The following CHN2 variants were observed in gnomAD, a reference collection of about 807,000 sequenced individuals.
CHN2 encodes the protein beta-chimaerin.
CHN2 carries 35 observed loss-of-function variants against 56.3 expected under a neutral mutation model. The observed-to-expected ratio is 0.62, with a 90% CI of 0.47 to 0.82. The LOEUF (loss-of-function observed/expected upper bound fraction) is 0.82. Ranked by LOEUF, CHN2 falls within the 40% of genes least tolerant of loss-of-function variation. The probability of loss-of-function intolerance (pLI) is 0.00; values close to 1 mark genes in which losing one functional copy is unlikely to be tolerated. For synonymous variants in CHN2, 210 were observed against 212.8 expected (o/e 0.99, Z 0.12); for missense variants, 491 against 580.5 (o/e 0.85, Z 1.58).
chr7:29,168,339 C>A (rs982770320), intron 2 of CHN2, among the ~76,000 whole-genome samples: 1 of 152,092 alleles, frequency 6.6e-6, no homozygotes, highest in Non-Finnish European at 1.5e-5. Flanking sequence ...TTCCATTACA[C>A]AATTTTTGGT....
intron 1 of CHN2, among the ~76,000 whole-genome samples, chr7:29,251,732 A>C (rs1448204735): frequency 6.6e-6 from 1 of 152,206 alleles, no homozygotes; most frequent in Admixed American, 6.5e-5. Flanking sequence ...AAATGAAGAG[A>C]AATATGTCAG....
chr7:29,452,215 C>T lies in CHN2; in HGVS notation c.577-28064C>T, dbSNP rs535730802. Among the ~76,000 whole-genome samples the T allele has an allele frequency of 2.6e-5, 4 of 152,302 alleles. No individual in the cohort carries two copies. The South Asian group carries it at 8.3e-4, about 32-fold the overall frequency. On this transcript the variant is annotated intron_variant, in intron 6 of 12. Coordinates refer to ENST00000222792, the MANE Select transcript of CHN2 (RefSeq NM_004067.4). ...CCAACTTCATTTTATTTCTAGTTTG[C>T]TTCTGCTGTCATTCTGGAGACACAG...
intron 6 of CHN2, among the ~76,000 whole-genome samples, chr7:29,420,883 C>G (rs1179021043): frequency 6.6e-6 from 1 of 150,798 alleles, no homozygotes; most frequent in Non-Finnish European, 1.5e-5. Flanking sequence ...CATCTTGGCT[C>G]ACTGCAACCC....
chr7:29,466,615 C>CT (rs1261601425), intron 6 of CHN2, among the ~76,000 whole-genome samples: 2 of 152,156 alleles, frequency 1.3e-5, no homozygotes, highest in African/African-American at 2.4e-5. Flanking sequence ...TGAATCCTTC[C>CT]TTAATACCTG....
At chr7:29,351,178 T>G (rs1797857516) in intron 1 of CHN2, among the ~76,000 whole-genome samples, 1 of 152,092 alleles carries the variant, frequency 6.6e-6, no homozygotes, top group African/African-American at 2.4e-5. Flanking sequence ...GTACTTTTAT[T>G]TTTTCTGTTT....
chr7:29,318,063 C>T (rs1267943843), intron 1 of CHN2, among the ~76,000 whole-genome samples: 1 of 152,186 alleles, frequency 6.6e-6, no homozygotes, highest in East Asian at 1.9e-4. Context: ...GATGATGCCC[C>T]AGTGTTAGCC....
intron 1 of CHN2, among the ~76,000 whole-genome samples, chr7:29,219,412 A>G (rs1785600387): frequency 1.3e-5 from 2 of 152,236 alleles, no homozygotes; most frequent in South Asian, 4.1e-4. Context: ...CTAAAAAGAA[A>G]GTGAAAAGAA....
chr7:29,506,266 C>T (rs1790556058), intron 10 of CHN2, among the ~76,000 whole-genome samples: 1 of 152,020 alleles, frequency 6.6e-6, no homozygotes, highest in Non-Finnish European at 1.5e-5. Flanking sequence ...TTTGTACTGC[C>T]TACAAAGAAA....
chr7:29,414,774 G>C (rs1327349835), intron 6 of CHN2, among the ~76,000 whole-genome samples: 3 of 152,146 alleles, frequency 2.0e-5, no homozygotes, highest in African/African-American at 7.2e-5. Context: ...GAGCCCAACA[G>C]CCAGTGTAAT....
At chr7:29,216,460 CTT>C (rs1282492619) in intron 1 of CHN2, among the ~76,000 whole-genome samples, 1 of 152,200 alleles carries the variant, frequency 6.6e-6, no homozygotes, top group East Asian at 1.9e-4. Context: ...TCTATTATCA[CTT>C]TGTGGAAATG....
chr7:29,247,592 C>A (rs951065721), intron 1 of CHN2, among the ~76,000 whole-genome samples: 3 of 152,206 alleles, frequency 2.0e-5, no homozygotes, highest in African/African-American at 7.2e-5. Context: ...TTTATTTGTT[C>A]TTTCCCCTTG....
intron 2 of CHN2, among the ~76,000 whole-genome samples, chr7:29,358,624 G>T (rs945515750): frequency 6.6e-6 from 1 of 151,912 alleles, no homozygotes; most frequent in Admixed American, 6.6e-5. Context: ...CACTGCGCCC[G>T]GCTAATTTTT....
chr7:29,194,961 C>T lies in CHN2; in HGVS notation c.20C>T (p.Ser7Phe). 6.3e-7 allele frequency: 1 copy of T among 1,584,284 alleles called. No homozygotes were observed. Among genetic ancestry groups the T allele is most frequent in the Non-Finnish European group, 8.6e-7 (1 of 1,168,138 alleles). ...GCGGAGATGGCAGCGTCCAGCAACT[C>T]CAGCCTGTCCGGCTCGTCGGTGTCC... MAASSN[S>F]SLSGSSVSSD... Residue 7 changes from serine (S) to phenylalanine (F), a missense_variant, in exon 1 of 13, where the codon TCC becomes TTC. Transcript: ENST00000222792.
chr7:29,391,539 C>T (rs1310145422), intron 3 of CHN2, among the ~76,000 whole-genome samples: 1 of 152,192 alleles, frequency 6.6e-6, no homozygotes, highest in African/African-American at 2.4e-5. Context: ...GCCTGTCCCA[C>T]ACAATTCAGG....
In CHN2 at chr7:29,470,558, A is replaced by AT. The variant is rs199760558; in HGVS notation, c.577-9712dup. 1.6e-3 allele frequency among the ~76,000 whole-genome samples: 240 copies of AT among 151,682 alleles called. 1 individual carries two copies. Among genetic ancestry groups the AT allele is most frequent in the African/African-American group, 5.4e-3 (222 of 41,362 alleles). Reference sequence around the variant, plus strand: ...ATGGAGAAAACAACCGGTTAATTTGATTTTTTTTTCTGTAGATAAAGGTGC... The same window carrying AT: ...ATGGAGAAAACAACCGGTTAATTTGATTTTTTTTTTCTGTAGATAAAGGTGC... On this transcript the variant is annotated intron_variant, in intron 6 of 12. Transcript: ENST00000222792.
At chr7:29,369,396 AT>A (rs1466850424) in intron 3 of CHN2, among the ~76,000 whole-genome samples, 2 of 152,238 alleles carry the variant, frequency 1.3e-5, no homozygotes, top group East Asian at 3.8e-4. Flanking sequence ...GTAAATAGTC[AT>A]TCATTTATCT....
At chr7:29,493,663 G>A (rs1788906353) in intron 7 of CHN2, among the ~76,000 whole-genome samples, 1 of 151,950 alleles carries the variant, frequency 6.6e-6, no homozygotes, top group Admixed American at 6.6e-5. Flanking sequence ...CTTGACTCCT[G>A]TCTCCCTCAA....
chr7:29,281,166 C>T lies in CHN2; in HGVS notation c.50-73459C>T, dbSNP rs143756371. The stretch of plus-strand genomic sequence containing the variant: ...TCTCCCTTGTGCTCTGTCCTCAATC[C>T]ACCAGTTCCTTTCTCAGAGATACCA... On this transcript the variant is annotated intron_variant, in intron 1 of 12. Transcript: ENST00000222792. 2.4e-3 allele frequency among the ~76,000 whole-genome samples: 362 copies of T among 152,250 alleles called. 1 individual carries two copies. Among genetic ancestry groups the T allele is most frequent in the African/African-American group, 8.1e-3 (337 of 41,524 alleles).
At chr7:29,218,602 A>G (rs1355308958) in intron 1 of CHN2, among the ~76,000 whole-genome samples, 1 of 152,126 alleles carries the variant, frequency 6.6e-6, no homozygotes, top group East Asian at 1.9e-4. Flanking sequence ...GCATATATAC[A>G]CCATGGAATA....
Sources: allele counts gnomAD v4.1 joint callset (sites outside exome capture counted in the v4.1 genomes callset), GRCh38; gene constraint gnomAD v4.1.1; transcripts MANE v1.5; gene names NCBI Gene and HGNC (gene_info 2026-07-23, HGNC 2026-07-21).